Variants in WARS2 observed in about 807,000 individuals in gnomAD.
WARS2 encodes the protein tryptophanyl tRNA synthetase 2, mitochondrial, also known as tryptophan--tRNA ligase, mitochondrial.
WARS2 carries 28 observed loss-of-function variants against 36.5 expected under a neutral mutation model. That is an observed-to-expected ratio of 0.77 (90% CI 0.57 to 1.05). The LOEUF (loss-of-function observed/expected upper bound fraction) is 1.05. WARS2 is among the 50% of genes least tolerant of loss of function. WARS2 has a pLI of 0.00. For missense variants in WARS2, 435 were observed against 456.8 expected, an observed-to-expected ratio of 0.95 and a Z score of 0.44; for synonymous variants, 174 against 178.4, an observed-to-expected ratio of 0.98 and a Z score of 0.20.
At chr1:119,066,252 C>T (rs1008955242) in intron 2 of WARS2, among the ~76,000 whole-genome samples, 6 of 151,982 alleles carry the variant, frequency 3.9e-5, no homozygotes, top group East Asian at 1.9e-4. Context: ...CTAAGGTGGG[C>T]GGATCACAAG....
chr1:119,081,019 GC>G (rs1652152400), intron 1 of WARS2, among the ~76,000 whole-genome samples: 1 of 152,174 alleles, frequency 6.6e-6, no homozygotes, highest in Non-Finnish European at 1.5e-5. Flanking sequence ...GCCACTTCCA[GC>G]CTATACATTT....
At chr1:119,098,244 G>A (rs587731587) in intron 1 of WARS2, among the ~76,000 whole-genome samples, 138 of 151,934 alleles carry the variant, frequency 9.1e-4, no homozygotes, top group African/African-American at 1.9e-3. Flanking sequence ...GCGAGACACC[G>A]TCTCAAAACA....
At chr1:119,101,072 GA>G (rs1445301806) in intron 1 of WARS2, among the ~76,000 whole-genome samples, 2 of 152,168 alleles carry the variant, frequency 1.3e-5, no homozygotes, top group Admixed American at 6.5e-5. Flanking sequence ...GTGTGGGTGA[GA>G]GGGGAGGATG....
At chr1:119,087,252 C>G (rs1409980090) in intron 1 of WARS2, among the ~76,000 whole-genome samples, 1 of 152,002 alleles carries the variant, frequency 6.6e-6, no homozygotes, top group Admixed American at 6.6e-5. Context: ...CTTTATATAC[C>G]CAGTAAATAG....
chr1:119,086,934 C>T (rs1309167501), intron 1 of WARS2, among the ~76,000 whole-genome samples: 2 of 152,054 alleles, frequency 1.3e-5, no homozygotes, highest in Non-Finnish European at 2.9e-5. Flanking sequence ...AATGCCCTTT[C>T]ACCTCTTTTC....
chr1:119,068,146 C>T (rs1651021156), intron 2 of WARS2, among the ~76,000 whole-genome samples: 1 of 152,180 alleles, frequency 6.6e-6, no homozygotes, highest in South Asian at 2.1e-4. Context: ...CAGACGTTTG[C>T]TCCCTTTCCA....
intron 1 of WARS2, among the ~76,000 whole-genome samples, chr1:119,088,835 G>T (rs1457916272): frequency 6.6e-6 from 1 of 152,146 alleles, no homozygotes; most frequent in Non-Finnish European, 1.5e-5. Flanking sequence ...ATCAGTAATG[G>T]ATTGGAGACA....
intron 1 of WARS2, among the ~76,000 whole-genome samples, chr1:119,082,763 C>A (rs1301427904): frequency 1.3e-5 from 2 of 152,186 alleles, no homozygotes; most frequent in Non-Finnish European, 2.9e-5. Flanking sequence ...AACTCCAGTG[C>A]TCTGGCCACC....
chr1:119,127,552 T>C lies in WARS2; in HGVS notation c.90+13003A>G, dbSNP rs587681026. ...ACCCATTTATTGAGTGGAAGAACTT[T>C]GGTTTGAATGCAAGGAGACAAATTG... On this transcript the variant is annotated intron_variant, in intron 1 of 5. Coordinates refer to ENST00000235521, the MANE Select transcript of WARS2 (RefSeq NM_015836.4). Among the ~76,000 whole-genome samples, 3 of 152,334 alleles carry C rather than the reference T, an allele frequency of 2.0e-5. No individual in the cohort carries two copies. The South Asian group carries it at 6.2e-4, about 32-fold the overall frequency.
At chr1:119,132,078 A>T (rs587621591) in intron 1 of WARS2, among the ~76,000 whole-genome samples, 1 of 152,272 alleles carries the variant, frequency 6.6e-6, no homozygotes, top group Admixed American at 6.5e-5. Context: ...TAGGATTTCA[A>T]ATCTACATAA....
chr1:119,128,951 G>A (rs1655891240), intron 1 of WARS2, among the ~76,000 whole-genome samples: 1 of 152,166 alleles, frequency 6.6e-6, no homozygotes, highest in South Asian at 2.1e-4. Context: ...AATATGGTCT[G>A]CTAAAGAAGT....
chr1:119,065,662 A>G (rs995231732), intron 2 of WARS2, among the ~76,000 whole-genome samples: 4 of 151,620 alleles, frequency 2.6e-5, no homozygotes, highest in Non-Finnish European at 5.9e-5. Context: ...GGAAATAAAT[A>G]AAAAAGATAC....
At chr1:119,100,490 C>G (rs1403994272) in intron 1 of WARS2, among the ~76,000 whole-genome samples, 2 of 152,176 alleles carry the variant, frequency 1.3e-5, no homozygotes, top group Non-Finnish European at 2.9e-5. Context: ...TATCTGCACT[C>G]GCATGTTTAC....
chr1:119,105,423 A>G (rs867419785), intron 1 of WARS2, among the ~76,000 whole-genome samples: 4 of 152,144 alleles, frequency 2.6e-5, no homozygotes, highest in African/African-American at 9.7e-5. Context: ...CAGCATATTC[A>G]TGGTATTTAA....
At chr1:119,112,170 C>T (rs887018151) in intron 1 of WARS2, among the ~76,000 whole-genome samples, 4 of 152,118 alleles carry the variant, frequency 2.6e-5, no homozygotes, top group Non-Finnish European at 4.4e-5. Flanking sequence ...GATCTGGCCG[C>T]CTCAGCTTCC....
rs372287237 is a variant in WARS2 at position 119,033,395 on chromosome 1, C to T, written c.635-36G>A. On this transcript the variant is annotated intron_variant, in intron 5 of 5. Transcript: ENST00000235521. ...AACACCAACACACACATACCCAAAA[C>T]AAAAACAAAACAAACAGATCACCAA... 5.0e-6 allele frequency: 8 copies of T among 1,609,250 alleles called. No homozygotes were observed. In the African/African-American group the frequency reaches 5.3e-5, roughly 11 times the overall value.
intron 1 of WARS2, among the ~76,000 whole-genome samples, chr1:119,131,526 G>A (rs1311791331): frequency 5.4e-5 from 8 of 148,054 alleles, no homozygotes; most frequent in African/African-American, 1.3e-4. Flanking sequence ...GCAGTGGCGC[G>A]ATCTCGGCTC....
At chr1:119,044,547 T>C (rs575437133) in intron 3 of WARS2, among the ~76,000 whole-genome samples, 1 of 152,366 alleles carries the variant, frequency 6.6e-6, no homozygotes, top group East Asian at 1.9e-4. Context: ...CTCAGGCTGC[T>C]ATAACAAAAT....
chr1:119,056,162 G>A (rs965355308), intron 2 of WARS2, among the ~76,000 whole-genome samples: 3 of 150,832 alleles, frequency 2.0e-5, no homozygotes, highest in Non-Finnish European at 4.4e-5. Flanking sequence ...TGGGATTACA[G>A]GCAAGTGCCA....
Sources: allele counts gnomAD v4.1 joint callset (sites outside exome capture counted in the v4.1 genomes callset), GRCh38; gene constraint gnomAD v4.1.1; transcripts MANE v1.5; gene names NCBI Gene and HGNC (gene_info 2026-07-23, HGNC 2026-07-21).